The following DPP10 variants were observed in gnomAD, a reference collection of about 807,000 sequenced individuals.
DPP10 encodes the protein inactive dipeptidyl peptidase 10.
A neutral mutation model predicts 120.9 loss-of-function variants in DPP10; 33 were observed. That is an observed-to-expected ratio of 0.27 (90% CI 0.21 to 0.37). The LOEUF (loss-of-function observed/expected upper bound fraction) is 0.37, where lower values mean the gene tolerates loss of function less well. Among genes scored for constraint, DPP10 ranks in the 10% least tolerant of loss-of-function variants. The probability of loss-of-function intolerance (pLI) is 1.00; values close to 1 mark genes in which losing one functional copy is unlikely to be tolerated. For synonymous variants in DPP10, 337 were observed against 326.1 expected (o/e 1.03, Z -0.36); for missense variants, 816 against 942.8 (o/e 0.87, Z 1.76).
chr2:115,662,438 T>TTA (rs1020018801), intron 5 of DPP10, among the ~76,000 whole-genome samples: 6 of 151,776 alleles, frequency 4.0e-5, no homozygotes, highest in African/African-American at 1.5e-4. Context: ...TTTTTTATTT[T>TTA]TTTTTTTTAG....
At chr2:114,467,012 G>T (rs1037763078) in intron 1 of DPP10, among the ~76,000 whole-genome samples, 1 of 150,472 alleles carries the variant, frequency 6.6e-6, no homozygotes, top group Non-Finnish European at 1.5e-5. Flanking sequence ...CTGCCTCCCA[G>T]GGCGAGAGAG....
intron 8 of DPP10, among the ~76,000 whole-genome samples, chr2:115,738,583 T>C (rs1432776336): frequency 2.0e-5 from 3 of 152,188 alleles, no homozygotes; most frequent in African/African-American, 7.2e-5. Flanking sequence ...CAAGCATTTG[T>C]TCTCCCAATG....
At chr2:115,012,522 A>G (rs1454065062) in intron 1 of DPP10, among the ~76,000 whole-genome samples, 2 of 152,206 alleles carry the variant, frequency 1.3e-5, no homozygotes, top group Non-Finnish European at 2.9e-5. Flanking sequence ...CTTTGCAGAC[A>G]TGCCCCAGTA....
chr2:115,314,788 T>C (rs927315513), intron 2 of DPP10, among the ~76,000 whole-genome samples: 2 of 152,118 alleles, frequency 1.3e-5, no homozygotes, highest in Non-Finnish European at 2.9e-5. Flanking sequence ...GCTCAATTAG[T>C]TCATTTGAGT....
chr2:114,467,386 T>C (rs1322289669), intron 1 of DPP10, among the ~76,000 whole-genome samples: 1 of 152,156 alleles, frequency 6.6e-6, no homozygotes, highest in Non-Finnish European at 1.5e-5. Flanking sequence ...GAAACATGCG[T>C]GCACATTTTT....
intron 1 of DPP10, among the ~76,000 whole-genome samples, chr2:114,808,483 C>T (rs1173810704): frequency 6.6e-6 from 1 of 151,902 alleles, no homozygotes; most frequent in East Asian, 1.9e-4. Context: ...ATTTACACTG[C>T]CCCCAAACAT....
intron 1 of DPP10, among the ~76,000 whole-genome samples, chr2:115,237,114 T>C (rs780576560): frequency 3.3e-5 from 5 of 152,112 alleles, no homozygotes; most frequent in Non-Finnish European, 2.9e-5. Context: ...CTTTGTGTTA[T>C]TGTGCTTTGC....
At chr2:115,439,893 A>T (rs1169484101) in intron 3 of DPP10, among the ~76,000 whole-genome samples, 4 of 152,154 alleles carry the variant, frequency 2.6e-5, no homozygotes, top group Non-Finnish European at 5.9e-5. Context: ...TTTAGACCAT[A>T]TTAAAAATTT....
At chr2:115,511,672 A>G (rs1302151628) in intron 4 of DPP10, among the ~76,000 whole-genome samples, 1 of 138,344 alleles carries the variant, frequency 7.2e-6, no homozygotes, top group Non-Finnish European at 1.6e-5. Context: ...AATTTGAGAT[A>G]TGTATTTTCT....
chr2:115,562,379 C>T (rs557439918), intron 5 of DPP10, among the ~76,000 whole-genome samples: 2 of 152,264 alleles, frequency 1.3e-5, no homozygotes, highest in South Asian at 2.1e-4. Flanking sequence ...TTTTCCTTCA[C>T]CCTAACTCAG....
intron 1 of DPP10, among the ~76,000 whole-genome samples, chr2:114,999,747 C>T (rs1400872166): frequency 6.6e-6 from 1 of 151,264 alleles, no homozygotes; most frequent in Non-Finnish European, 1.5e-5. Flanking sequence ...TCCAAGTTTG[C>T]TCCTAGAACC....
chr2:114,882,106 A>AGAAT (rs138677581), intron 1 of DPP10, among the ~76,000 whole-genome samples: 1 of 151,390 alleles, frequency 6.6e-6, no homozygotes, highest in Non-Finnish European at 1.5e-5. Context: ...TAATGAAATA[A>AGAAT]AAATAAATAA....
chr2:115,638,685 C>A (rs2086545308), intron 5 of DPP10, among the ~76,000 whole-genome samples: 1 of 152,146 alleles, frequency 6.6e-6, no homozygotes, highest in Admixed American at 6.5e-5. Flanking sequence ...ATTGAGTCCT[C>A]CCTTGAAATC....
intron 3 of DPP10, among the ~76,000 whole-genome samples, chr2:115,488,705 G>C (rs2075902871): frequency 8.2e-6 from 1 of 122,688 alleles, no homozygotes; most frequent in South Asian, 3.2e-4. Flanking sequence ...ACAGGAAGGG[G>C]AATATCACAC....
chr2:115,345,507 G>GT (rs1038127259), intron 3 of DPP10, among the ~76,000 whole-genome samples: 7 of 152,130 alleles, frequency 4.6e-5, no homozygotes, highest in South Asian at 4.1e-4. Flanking sequence ...AAGTTGCTAG[G>GT]TTTTTTTAAA....
intron 9 of DPP10, among the ~76,000 whole-genome samples, chr2:115,743,874 G>A (rs918593740): frequency 1.4e-4 from 21 of 150,488 alleles, no homozygotes; most frequent in South Asian, 4.2e-4. Flanking sequence ...GCCTGTTCTC[G>A]AAATGTGGTC....
At chr2:115,079,495 G>A (rs1257121274) in intron 1 of DPP10, among the ~76,000 whole-genome samples, 1 of 152,214 alleles carries the variant, frequency 6.6e-6, no homozygotes, top group Admixed American at 6.5e-5. Context: ...GGGAGGCCCA[G>A]AGGAACAGTG....
chr2:114,737,788 G>A (rs1258477334), intron 1 of DPP10, among the ~76,000 whole-genome samples: 1 of 152,186 alleles, frequency 6.6e-6, no homozygotes, highest in Non-Finnish European at 1.5e-5. Context: ...ACATAAGCCT[G>A]CTTCCTCAGC....
At position 115,318,529 on chromosome 2, in the gene DPP10, AAT is replaced by A. The variant is rs2061907114; in HGVS notation, c.175+9179_175+9180del. Among the ~76,000 whole-genome samples the A allele has an allele frequency of 2.6e-5, 4 of 152,228 alleles. No homozygotes were observed. The South Asian group carries it at 8.3e-4, about 32-fold the overall frequency. On this transcript the variant is annotated intron_variant, in intron 2 of 25. Transcript: ENST00000410059. ...CTTTAGGTAATATTACCATCTTAGAAATATTAGTGTTCCAACTCATAAATATG... is the reference window on the plus strand; with the variant it reads ...CTTTAGGTAATATTACCATCTTAGAAATTAGTGTTCCAACTCATAAATATG...
Sources: allele counts gnomAD v4.1 joint callset (sites outside exome capture counted in the v4.1 genomes callset), GRCh38; gene constraint gnomAD v4.1.1; transcripts MANE v1.5; gene names NCBI Gene and HGNC (gene_info 2026-07-23, HGNC 2026-07-21).